SOS2: variants seen among roughly 807,000 people sequenced by gnomAD.
SOS2 encodes the protein SOS Ras/Rho guanine nucleotide exchange factor 2.
SOS2 carries 65 observed loss-of-function variants against 148.2 expected under a neutral mutation model. That is an observed-to-expected ratio of 0.44 (90% confidence interval 0.36 to 0.54). The LOEUF (loss-of-function observed/expected upper bound fraction) is 0.54, where lower values mean the gene tolerates loss of function less well. Among genes scored for constraint, SOS2 ranks in the 20% least tolerant of loss-of-function variants. The pLI, the probability that SOS2 is intolerant of heterozygous loss-of-function variation, is 0.00. For synonymous variants in SOS2, 539 were observed against 537.1 expected, an observed-to-expected ratio of 1.00 and a Z score of -0.05; for missense variants, 1,341 against 1,590.2, an observed-to-expected ratio of 0.84 and a Z score of 2.67.
intron 12 of SOS2, among the ~76,000 whole-genome samples, chr14:50,154,336 A>G (rs1279394027): frequency 6.6e-6 from 1 of 152,218 alleles, no homozygotes; most frequent in Non-Finnish European, 1.5e-5. Context: ...AGTATGGCTA[A>G]GGCACAAAGA....
chr14:50,174,409 T>A (rs769941835), intron 8 of SOS2, 45 bp downstream of exon 8: 1 of 1,017,340 alleles, frequency 9.8e-7, no homozygotes, highest in Non-Finnish European at 1.4e-6. Context: ...AAAAGTAAAC[T>A]CTTCTATTAG....
chr14:50,139,286 AG>A (rs1884187142), intron 17 of SOS2, among the ~76,000 whole-genome samples: 1 of 150,200 alleles, frequency 6.7e-6, no homozygotes, highest in African/African-American at 2.5e-5. Context: ...ACAATAAAAA[AG>A]TTTTTAGTCC....
intron 1 of SOS2, among the ~76,000 whole-genome samples, chr14:50,214,975 A>G (rs1887001625): frequency 1.3e-5 from 2 of 151,348 alleles, no homozygotes; most frequent in South Asian, 4.2e-4. Context: ...AGCTGGGACT[A>G]TAGGTGCCCA....
intron 10 of SOS2, 79 bp downstream of exon 10, chr14:50,159,352 C>A (rs971104905): frequency 2.6e-5 from 23 of 871,578 alleles, no homozygotes; most frequent in Non-Finnish European, 3.8e-5. Flanking sequence ...TTTCCCCAAG[C>A]CTCAAATATT....
intron 1 of SOS2, among the ~76,000 whole-genome samples, chr14:50,225,029 T>C (rs1199525482): frequency 2.0e-5 from 3 of 152,234 alleles, no homozygotes; most frequent in African/African-American, 7.2e-5. Flanking sequence ...ATTTTCATCT[T>C]GTTGCTTCAC....
At chr14:50,165,566 T>C (rs1442215960) in intron 8 of SOS2, among the ~76,000 whole-genome samples, 2 of 152,224 alleles carry the variant, frequency 1.3e-5, no homozygotes, top group African/African-American at 4.8e-5. Context: ...CTCATAGTAC[T>C]ACCTCTATTA....
chr14:50,145,658 C>G (rs1594970235), intron 14 of SOS2, 62 bp from the exon 15 acceptor site: 3 of 1,107,232 alleles, frequency 2.7e-6, no homozygotes, highest in East Asian at 2.4e-5. Context: ...TAAAGATCTT[C>G]TAAAACTTAA....
intron 1 of SOS2, among the ~76,000 whole-genome samples, chr14:50,224,288 C>T (rs1887286334): frequency 4.2e-5 from 2 of 47,164 alleles, no homozygotes; most frequent in South Asian, 1.1e-3. Context: ...AAGACTCCGT[C>T]TCAGGAAAAA....
intron 12 of SOS2, among the ~76,000 whole-genome samples, chr14:50,153,946 C>CTACAG (rs1207779457): frequency 1.3e-5 from 2 of 151,892 alleles, no homozygotes; most frequent in African/African-American, 4.8e-5. Flanking sequence ...TACACATATA[C>CTACAG]TACAGTCTCT....
chr14:50,156,874 C>A, intron 12 of SOS2, 125 bp downstream of exon 12: 2 of 482,704 alleles, frequency 4.1e-6, no homozygotes, highest in South Asian at 4.2e-5. Flanking sequence ...AAAATATTCC[C>A]TATATTTGAA....
In SOS2 at chr14:50,145,223, T is replaced by C; in HGVS notation, c.2614A>G (p.Ile872Val). The change falls in exon 16 of 23, where the codon ATA (isoleucine) becomes GTA (valine). Residue 872 changes from isoleucine (I) to valine (V), a missense_variant. By Grantham distance (29) the Ile-to-Val change is conservative. Coordinates refer to ENST00000216373, the MANE Select transcript of SOS2 (RefSeq NM_006939.4). ...DLNNFNGVLE[I>V]VSAVNSVSVY... Reference sequence around the variant, plus strand: ...GACACTGAATTTACTGCACTGACTATCTCCAATACGCCATTGAAATTATTC... The same window carrying C: ...GACACTGAATTTACTGCACTGACTACCTCCAATACGCCATTGAAATTATTC... 1 of 1,611,488 alleles carries C rather than the reference T, an allele frequency of 6.2e-7. No homozygotes were observed. Among genetic ancestry groups the C allele is most frequent in the Non-Finnish European group, 8.5e-7 (1 of 1,177,932 alleles).
intron 1 of SOS2, among the ~76,000 whole-genome samples, chr14:50,211,611 A>T (rs979974555): frequency 6.8e-6 from 1 of 147,512 alleles, no homozygotes; most frequent in South Asian, 2.1e-4. Context: ...TTTTTTAATT[A>T]ATTATTATTA....
At chr14:50,137,118 T>C (rs931530359) in intron 18 of SOS2, among the ~76,000 whole-genome samples, 1 of 152,202 alleles carries the variant, frequency 6.6e-6, no homozygotes, top group African/African-American at 2.4e-5. Flanking sequence ...TTATAATATG[T>C]TCCCAAGTTC....
Position 50,140,057 on chromosome 14 carries a change from T to C in SOS2, c.2670A>G (p.Ala890=). The change falls in exon 17 of 23, where the codon GCA becomes GCG. Residue 890 remains alanine (A), a splice_region_variant and synonymous_variant. Transcript: ENST00000216373. ...SVYRLDHTFE[A]LQERKRKILD... ...AAATTTTCCTTTTCCTTTCCTGCAG[T>C]GCCTTAAAGTATACATAAATTGAGT... 7.6e-7 allele frequency: 1 copy of C among 1,314,336 alleles called. No individual in the cohort carries two copies. Among genetic ancestry groups the C allele is most frequent in the Non-Finnish European group, 1.1e-6 (1 of 912,464 alleles). The allele number at this position is 1,314,336 out of a possible 1,614,324, so 81.4% of individuals were successfully genotyped here.
intron 5 of SOS2, among the ~76,000 whole-genome samples, chr14:50,184,737 C>A (rs1885853104): frequency 6.6e-6 from 1 of 151,838 alleles, no homozygotes; most frequent in Non-Finnish European, 1.5e-5. Flanking sequence ...GTGGTATGTG[C>A]CTGTAGTCCC....
At chr14:50,204,900 C>CTT (rs1555322745) in intron 1 of SOS2, among the ~76,000 whole-genome samples, 2 of 147,630 alleles carry the variant, frequency 1.4e-5, no homozygotes, top group Non-Finnish European at 3.0e-5. Context: ...CTTTTTTTTT[C>CTT]TTTCTTTTTT....
At chr14:50,128,313 A>G (rs1883748726) in intron 21 of SOS2, among the ~76,000 whole-genome samples, 1 of 152,210 alleles carries the variant, frequency 6.6e-6, no homozygotes, top group African/African-American at 2.4e-5. Flanking sequence ...GGAAAGGGAA[A>G]GGGAAACGAA....
intron 5 of SOS2, among the ~76,000 whole-genome samples, chr14:50,184,661 G>A (rs556388396): frequency 2.6e-4 from 40 of 152,010 alleles, no homozygotes; most frequent in African/African-American, 9.4e-4. Context: ...TAAAAAATTG[G>A]GGAAAGAGCC....
chr14:50,218,427 G>A (rs1887101342), intron 1 of SOS2, among the ~76,000 whole-genome samples: 1 of 151,856 alleles, frequency 6.6e-6, no homozygotes, highest in Admixed American at 6.6e-5. Flanking sequence ...GGAGGCTGAG[G>A]TGAAAGAATC....
Sources: gnomAD v4.1 joint callset for allele counts (sites outside exome capture counted in the v4.1 genomes callset) on GRCh38, gnomAD v4.1.1 for gene constraint, MANE v1.5 for transcripts, NCBI Gene and HGNC (gene_info 2026-07-23, HGNC 2026-07-21) for gene names.